The following PCNT variants were observed in gnomAD, a reference collection of about 807,000 sequenced individuals.
PCNT encodes pericentrin, also known as kendrin.
PCNT carries 319 observed loss-of-function variants against 380.4 expected under a neutral mutation model. The observed-to-expected ratio is 0.84, with a 90% CI of 0.77 to 0.92. The LOEUF is 0.92. Among genes scored for constraint, PCNT ranks in the 40% least tolerant of loss-of-function variants. PCNT has a pLI of 0.00. For synonymous variants in PCNT, 1,845 were observed against 1,735.2 expected (o/e 1.06, Z -1.57); for missense variants, 4,400 against 4,255.3 (o/e 1.03, Z -0.95).
intron 3 of PCNT, among the ~76,000 whole-genome samples, chr21:46,341,455 T>G (rs914091012): frequency 1.3e-5 from 2 of 152,064 alleles, no homozygotes; most frequent in African/African-American, 4.8e-5. Flanking sequence ...TCCAAAAATA[T>G]CCCTTTCCCT....
At position 46,346,153 on chromosome 21, in the gene PCNT, C is replaced by A. The variant is rs751862843; in HGVS notation, c.665C>A (p.Ala222Asp). Reference protein sequence around the residue: ...TKECEQECELAITDLESGRED... With the variant: ...TKECEQECELDITDLESGRED... ...GAGTGTGAACAAGAATGTGAACTTG[C>A]CATTACTGACCTGGAGAGCGGCCGT... The change falls in exon 4 of 47, where the codon GCC becomes GAC. Residue 222 changes from alanine (A) to aspartate (D), a missense_variant. Physicochemically the swap from Ala to Asp is moderately radical, Grantham distance 126 (BLOSUM62 -2). Coordinates refer to ENST00000359568, the MANE Select transcript of PCNT (RefSeq NM_006031.6). The A allele has an allele frequency of 1.2e-6, 2 of 1,614,132 alleles. No homozygotes were observed. Among genetic ancestry groups the A allele is most frequent in the Non-Finnish European group, 8.5e-7 (1 of 1,180,010 alleles).
In PCNT at chr21:46,426,761, C is replaced by CA. The variant is rs138525139; in HGVS notation, c.7320+791dup. Reference sequence around the variant, plus strand: ...CATCTCCCTGCCTGTCTGCTTCCATCACCAGGGCTTGTGGAGGTTGTGGAG... The same window carrying CA: ...CATCTCCCTGCCTGTCTGCTTCCATCAACCAGGGCTTGTGGAGGTTGTGGAG... On this transcript the variant is annotated intron_variant, in intron 33 of 46. Transcript: ENST00000359568. 6.3e-3 allele frequency among the ~76,000 whole-genome samples: 960 copies of CA among 152,346 alleles called. 11 individuals carry two copies. The highest frequency in any genetic ancestry group is 0.022 in the African/African-American group (923 of 41,576).
intron 37 of PCNT, 128 bp from the exon 38 acceptor site, chr21:46,431,401 G>C: frequency 6.4e-7 from 1 of 1,551,786 alleles, no homozygotes. Context: ...CCTACATGTG[G>C]CTAATAGGGT....
intron 2 of PCNT, 92 bp downstream of exon 2, chr21:46,326,681 G>A: frequency 7.1e-7 from 1 of 1,406,438 alleles, no homozygotes; most frequent in Admixed American, 1.7e-5. Context: ...GTCTGTTTTT[G>A]CCTTTCAAAA....
chr21:46,350,341 C>G (rs533777061), intron 8 of PCNT, among the ~76,000 whole-genome samples: 3 of 152,126 alleles, frequency 2.0e-5, no homozygotes, highest in Non-Finnish European at 4.4e-5. Context: ...TTACACAAAT[C>G]GCAGACACTA....
chr21:46,424,244 C>G (rs571489530), intron 32 of PCNT, among the ~76,000 whole-genome samples: 1 of 152,348 alleles, frequency 6.6e-6, no homozygotes, highest in African/African-American at 2.4e-5. Context: ...CACCTCTGGC[C>G]GTGCCTGGAA....
chr21:46,349,602 G>T, intron 7 of PCNT, 82 bp from the exon 8 acceptor site: 1 of 1,458,528 alleles, frequency 6.9e-7, no homozygotes, highest in South Asian at 1.1e-5. Flanking sequence ...GCAGCGCTCT[G>T]GGTGCACCAT....
intron 2 of PCNT, among the ~76,000 whole-genome samples, chr21:46,328,266 T>C (rs894834052): frequency 2.2e-5 from 1 of 44,886 alleles, no homozygotes; most frequent in Non-Finnish European, 5.5e-5. Context: ...TTTTTTTTTT[T>C]TTCCCGTTTT....
chr21:46,379,324 C>A (rs2085436058), intron 15 of PCNT, among the ~76,000 whole-genome samples: 1 of 152,120 alleles, frequency 6.6e-6, no homozygotes, highest in African/African-American at 2.4e-5. Context: ...CCGCACCCAT[C>A]TTCCTGGGGC....
At chr21:46,403,897 G>T (rs1338934131) in intron 27 of PCNT, among the ~76,000 whole-genome samples, 1 of 144,988 alleles carries the variant, frequency 6.9e-6, no homozygotes, top group Non-Finnish European at 1.5e-5. Flanking sequence ...TGAACACAGC[G>T]TGGGAGAATT....
chr21:46,383,832 G>C, intron 16 of PCNT, among the ~76,000 whole-genome samples: 1 of 140,560 alleles, frequency 7.1e-6, no homozygotes, highest in Non-Finnish European at 1.5e-5. Context: ...GTTCAGTGGC[G>C]GAAGCGCATT....
intron 27 of PCNT, 101 bp downstream of exon 27, chr21:46,402,584 C>T (rs1374127889): frequency 1.6e-6 from 2 of 1,281,230 alleles, no homozygotes; most frequent in African/African-American, 1.5e-5. Context: ...CTCTGGTCTT[C>T]ACAGACGCCC....
rs770185145 is a variant in PCNT at position 46,363,489 on chromosome 21, A to T, written c.2164A>T (p.Asn722Tyr). ...LKDDLEKVKH[N>Y]LIEDHQKELN... is the part of the protein sequence containing the mutation. ...ATTATGTTGTCTGTAGGTAAAACACAATCTAATTGAAGACCACCAGAAGGA... is the reference window on the plus strand; with the variant it reads ...ATTATGTTGTCTGTAGGTAAAACACTATCTAATTGAAGACCACCAGAAGGA... Residue 722 changes from asparagine (N) to tyrosine (Y), a missense_variant, in exon 14 of 47, where the codon AAT becomes TAT. Coordinates refer to ENST00000359568, the MANE Select transcript of PCNT (RefSeq NM_006031.6). 6.2e-7 allele frequency: 1 copy of T among 1,612,102 alleles called. No homozygotes were observed. The highest frequency in any genetic ancestry group is 1.1e-5 in the South Asian group (1 of 91,014).
At chr21:46,417,720 G>A (rs1336406266) in intron 30 of PCNT, among the ~76,000 whole-genome samples, 1 of 151,934 alleles carries the variant, frequency 6.6e-6, no homozygotes, top group Non-Finnish European at 1.5e-5. Flanking sequence ...GGGTAACACG[G>A]TGAGACCCTG....
intron 16 of PCNT, among the ~76,000 whole-genome samples, chr21:46,382,891 C>T (rs113357962): frequency 0.053 from 6,903 of 129,898 alleles, 924 homozygotes; most frequent in African/African-American, 0.098. Flanking sequence ...GTGGCGGAAG[C>T]GCATTCACGG....
intron 21 of PCNT, 43 bp downstream of exon 21, chr21:46,391,419 G>A (rs762032852): frequency 1.4e-5 from 20 of 1,466,178 alleles, no homozygotes; most frequent in East Asian, 2.5e-5. Flanking sequence ...GCTGTGGGGC[G>A]CGGATACAGC....
At chr21:46,347,029 G>A (rs778916580) in intron 5 of PCNT, 31 bp downstream of exon 5, 8 of 1,580,992 alleles carry the variant, frequency 5.1e-6, no homozygotes, top group Admixed American at 3.8e-5. Flanking sequence ...CACGGGCAGC[G>A]TGTGGGCTCG....
intron 44 of PCNT, 89 bp from the exon 45 acceptor site, chr21:46,443,721 A>G: frequency 1.6e-6 from 2 of 1,263,958 alleles, no homozygotes; most frequent in Non-Finnish European, 2.3e-6. Context: ...TTAAAAGCTT[A>G]TACGTTTAAA....
In PCNT at chr21:46,329,545, T is replaced by A. The variant is rs1231666069; in HGVS notation, c.267+2956T>A. Among the ~76,000 whole-genome samples the A allele has an allele frequency of 3.3e-5, 5 of 152,214 alleles. No homozygotes were observed. The East Asian group carries it at 9.6e-4, about 29-fold the overall frequency. ...ATTTTGGACATCTTAAAGCAATCTA[T>A]AAATAACAGGCCCATTACTGGTCCC... On this transcript the variant is annotated intron_variant, in intron 2 of 46. Transcript: ENST00000359568.
Sources: gnomAD v4.1 joint callset for allele counts (sites outside exome capture counted in the v4.1 genomes callset) on GRCh38, gnomAD v4.1.1 for gene constraint, MANE v1.5 for transcripts, NCBI Gene and HGNC (gene_info 2026-07-23, HGNC 2026-07-21) for gene names.